Variants in SPTB observed in about 807,000 individuals in gnomAD.
SPTB encodes spectrin beta, erythrocytic, also known as spectrin beta chain, erythrocytic.
Under a neutral mutation model 256.2 loss-of-function variants are expected in SPTB, and 45 were observed. The observed-to-expected ratio is 0.18, with a 90% CI of 0.14 to 0.23. The LOEUF (loss-of-function observed/expected upper bound fraction) is 0.23. SPTB is among the 10% of genes least tolerant of loss of function. SPTB has a pLI of 1.00. For synonymous variants in SPTB, 1,231 were observed against 1,243.1 expected (o/e 0.99, Z 0.21); for missense variants, 2,715 against 3,040.4 (o/e 0.89, Z 2.52).
Position 64,749,803 on chromosome 14 carries a change from C to T in SPTB, c.6777-107G>A. On this transcript the variant is annotated intron_variant, in intron 34 of 35. Coordinates refer to ENST00000644917, the MANE Select transcript of SPTB (RefSeq NM_001355436.2). This position sits in a 1 kb window ranked among gnomAD's most constrained non-coding sequence, Gnocchi z 4.7. ...CCCTGAGCCGAACATCCAGACCCCTCTCAGGCAGCCCAGCACTTTCTGAGA... is the reference window on the plus strand; with the variant it reads ...CCCTGAGCCGAACATCCAGACCCCTTTCAGGCAGCCCAGCACTTTCTGAGA... 6.6e-7 allele frequency: 1 copy of T among 1,514,096 alleles called. No individual in the cohort carries two copies. The highest frequency in any genetic ancestry group is 1.9e-5 in the Admixed American group (1 of 53,240). The allele number at this position is 1,514,096 out of a possible 1,614,324, so 93.8% of individuals were successfully genotyped here.
chr14:64,840,545 T>C (rs1363623928), intron 1 of SPTB, among the ~76,000 whole-genome samples: 1 of 152,188 alleles, frequency 6.6e-6, no homozygotes, highest in Non-Finnish European at 1.5e-5. Context: ...GTGGAGTGAA[T>C]TATTAAAGCT....
chr14:64,786,379 G>T lies in SPTB; in HGVS notation c.3561+25C>A. The stretch of plus-strand genomic sequence containing the variant: ...AGCTACTGCCCTGAGAGACCCGCCT[G>T]TCCCAGCCCTGAATGCCTCTCTACC... On this transcript the variant is annotated intron_variant, in intron 16 of 35. Coordinates refer to ENST00000644917, the MANE Select transcript of SPTB (RefSeq NM_001355436.2). The surrounding 1 kb of genome is among the most constrained non-coding windows in gnomAD (Gnocchi z 5.6). 6.2e-7 allele frequency: 1 copy of T among 1,613,700 alleles called. No individual in the cohort carries two copies. Among genetic ancestry groups the T allele is most frequent in the Non-Finnish European group, 8.5e-7 (1 of 1,180,028 alleles).
At chr14:64,752,102 A>T (rs140224227) in intron 33 of SPTB, 2 of 1,149,000 alleles carry the variant, frequency 1.7e-6, no homozygotes, top group Non-Finnish European at 2.3e-6. Context: ...TAAACAAAAC[A>T]AAACAAAACA....
At chr14:64,766,828 A>G (rs1418218283) in intron 31 of SPTB, 27 bp from the exon 32 acceptor site, 1 of 1,607,734 alleles carries the variant, frequency 6.2e-7, no homozygotes, top group Non-Finnish European at 8.5e-7. Flanking sequence ...CTCTCTTTAG[A>G]AACAAGCACC....
rs1317485994 is a variant in SPTB at position 64,852,633 on chromosome 14, T to C, written c.-52+27159A>G. On this transcript the variant is annotated intron_variant, in intron 1 of 35. Coordinates refer to ENST00000644917, the MANE Select transcript of SPTB (RefSeq NM_001355436.2). The surrounding 1 kb of genome is among the most constrained non-coding windows in gnomAD (Gnocchi z 4.2). Reference sequence around the variant, plus strand: ...CAGCTTACAAAACTATGTAGGATACTGGTAGGTGAGTGGAAATAGCAAGTG... The same window carrying C: ...CAGCTTACAAAACTATGTAGGATACCGGTAGGTGAGTGGAAATAGCAAGTG... 1.3e-5 allele frequency among the ~76,000 whole-genome samples: 2 copies of C among 152,078 alleles called. No homozygotes were observed. Among genetic ancestry groups the C allele is most frequent in the African/African-American group, 2.4e-5 (1 of 41,388 alleles).
Position 64,873,566 on chromosome 14 carries a change from T to C in SPTB, c.-52+6226A>G, listed in dbSNP as rs1882662693. 6.6e-6 allele frequency among the ~76,000 whole-genome samples: 1 copy of C among 152,220 alleles called. No homozygotes were observed. On this transcript the variant is annotated intron_variant, in intron 1 of 35. Transcript: ENST00000644917. The surrounding 1 kb of genome is among the most constrained non-coding windows in gnomAD (Gnocchi z 4.3). Reference sequence around the variant, plus strand: ...AATTCATGCTTTGGAACAGCATCTGTGCATACTCTGGAGGGCCATTCTTGA... The same window carrying C: ...AATTCATGCTTTGGAACAGCATCTGCGCATACTCTGGAGGGCCATTCTTGA...
At chr14:64,858,835 C>T (rs902319453) in intron 1 of SPTB, among the ~76,000 whole-genome samples, 3 of 152,106 alleles carry the variant, frequency 2.0e-5, no homozygotes, top group Non-Finnish European at 2.9e-5. Context: ...TAAAAATGGC[C>T]TCATTTTACC....
intron 32 of SPTB, chr14:64,763,917 A>T (rs1173173108): frequency 1.9e-6 from 1 of 517,154 alleles, no homozygotes; most frequent in African/African-American, 1.9e-5. Context: ...GGGGAAGGGG[A>T]GGACTGGGGT....
At chr14:64,861,116 G>A (rs569553538) in intron 1 of SPTB, among the ~76,000 whole-genome samples, 4 of 152,110 alleles carry the variant, frequency 2.6e-5, no homozygotes, top group East Asian at 1.9e-4. Context: ...ACCAAACACC[G>A]CATGTTCTCA....
intron 2 of SPTB, among the ~76,000 whole-genome samples, chr14:64,814,048 G>T (rs1334852114): frequency 6.6e-6 from 1 of 152,164 alleles, no homozygotes; most frequent in Non-Finnish European, 1.5e-5. Context: ...AACCCTTAAG[G>T]ATTTGCGATA....
Position 64,772,978 on chromosome 14 carries a change from G to A in SPTB, c.5179-24C>T, listed in dbSNP as rs1171597922. 2 of 1,593,262 alleles carry A rather than the reference G, an allele frequency of 1.3e-6. No homozygotes were observed. Among genetic ancestry groups the A allele is most frequent in the South Asian group, 2.2e-5 (2 of 89,470 alleles). On this transcript the variant is annotated intron_variant, in intron 25 of 35. Coordinates refer to ENST00000644917, the MANE Select transcript of SPTB (RefSeq NM_001355436.2). This position sits in a 1 kb window ranked among gnomAD's most constrained non-coding sequence, Gnocchi z 5.4. ...AGCTAGGCATGGGGCAGACAGAAAT[G>A]TGGTTATGGGGGGCACAGGGGTTAC...
chr14:64,853,682 T>C lies in SPTB; in HGVS notation c.-52+26110A>G, dbSNP rs2083821814. 6.6e-6 allele frequency among the ~76,000 whole-genome samples: 1 copy of C among 152,088 alleles called. No homozygotes were observed. The highest frequency in any genetic ancestry group is 2.4e-5 in the African/African-American group (1 of 41,414). ...GGCATGCAGGGCCAAGGGACAGTTG[T>C]ATTCAATGGGAAAGACCTGAACTTA... On this transcript the variant is annotated intron_variant, in intron 1 of 35. Transcript: ENST00000644917. The surrounding 1 kb of genome is among the most constrained non-coding windows in gnomAD (Gnocchi z 4.3).
At chr14:64,848,214 C>T (rs189963811) in intron 1 of SPTB, among the ~76,000 whole-genome samples, 2 of 152,208 alleles carry the variant, frequency 1.3e-5, no homozygotes, top group African/African-American at 4.8e-5. Context: ...TAGAGGCATA[C>T]ACTTAGGGAG....
In SPTB at chr14:64,769,685, T is replaced by C. The variant is rs1302137506; in HGVS notation, c.5842A>G (p.Ile1948Val). 4 of 1,614,218 alleles carry C rather than the reference T, an allele frequency of 2.5e-6. No individual in the cohort carries two copies. The highest frequency in any genetic ancestry group is 1.3e-5 in the African/African-American group (1 of 75,068). Residue 1948 changes from isoleucine (I) to valine (V), a missense_variant, in exon 28 of 36, where the codon ATC becomes GTC. By Grantham distance (29) the Ile-to-Val change is conservative (BLOSUM62 3). This residue lies in a region of SPTB where 2,239 missense variants were observed against 2,384.4 expected (regional missense o/e 0.94). Transcript: ENST00000644917. The stretch of plus-strand genomic sequence containing the variant: ...CTCCGGGTTTCAATCTCTGCATTGA[T>C]GCCCTGGTGATACTTCATGAGCAGT... ...VELLMKYHQGINAEIETRSKN... is the reference protein window; with the variant it reads ...VELLMKYHQGVNAEIETRSKN...
In SPTB at chr14:64,795,790, G is replaced by T; in HGVS notation, c.1342-151C>A. ...TAGTTCTGCCTTACTTTTGCAGCCT[G>T]TCTTATCAGACCCAAGTTCCAAAAA... On this transcript the variant is annotated intron_variant, in intron 11 of 35. Transcript: ENST00000644917. The surrounding 1 kb of genome is among the most constrained non-coding windows in gnomAD (Gnocchi z 6.5). 1 of 821,952 alleles carries T rather than the reference G, an allele frequency of 1.2e-6. No homozygotes were observed. The highest frequency in any genetic ancestry group is 2.0e-6 in the Non-Finnish European group (1 of 511,130). The allele number at this position is 821,952 out of a possible 1,614,324, so 50.9% of individuals were successfully genotyped here.
rs1301025611 is a variant in SPTB at position 64,767,777 on chromosome 14, C to A, written c.6105G>T (p.Gly2035=). ...CACTGTCCACTGTGTGTCCAAAGTC[C>A]CCGCTGGCCAGGTAGGGCTCCTGGG... ...LIAQEPYLAS[G]DFGHTVDSVE... is the part of the protein sequence containing the mutation. Residue 2035 remains glycine, a synonymous_variant, in exon 30 of 36, where the codon GGG becomes GGT. Coordinates refer to ENST00000644917, the MANE Select transcript of SPTB (RefSeq NM_001355436.2). The A allele has an allele frequency of 1.9e-6, 3 of 1,614,182 alleles. No homozygotes were observed. The highest frequency in any genetic ancestry group is 1.7e-6 in the Non-Finnish European group (2 of 1,180,030).
rs985290743 is a variant in SPTB, at chr14:64,750,173, G to A, written c.6603-19C>T. The A allele has an allele frequency of 6.2e-7, 1 of 1,608,004 alleles. No homozygotes were observed. Among genetic ancestry groups the A allele is most frequent in the Non-Finnish European group, 8.5e-7 (1 of 1,175,186 alleles). On this transcript the variant is annotated intron_variant, in intron 33 of 35. Coordinates refer to ENST00000644917, the MANE Select transcript of SPTB (RefSeq NM_001355436.2). ...CCAGGACCTGCAAAGATGCAGACAG[G>A]CAGGTCACCCACATCCTGATATGGT...
chr14:64,861,457 A>G (rs1332270602), intron 1 of SPTB, among the ~76,000 whole-genome samples: 1 of 152,126 alleles, frequency 6.6e-6, no homozygotes, highest in Non-Finnish European at 1.5e-5. Flanking sequence ...TGTTCTCGAA[A>G]TGATACTGTG....
intron 1 of SPTB, among the ~76,000 whole-genome samples, chr14:64,838,901 C>T (rs546562038): frequency 4.6e-5 from 7 of 152,018 alleles, no homozygotes; most frequent in African/African-American, 1.2e-4. Flanking sequence ...GGGAGGCCGA[C>T]GCAGGTGGAT....
Sources: allele counts gnomAD v4.1 joint callset (sites outside exome capture counted in the v4.1 genomes callset), GRCh38; gene constraint gnomAD v4.1.1; regional missense constraint gnomAD v4.1.1; non-coding constraint Gnocchi (gnomAD v3.1); transcripts MANE v1.5; gene names NCBI Gene and HGNC (gene_info 2026-07-23, HGNC 2026-07-21).